SMYD3: variants seen among roughly 807,000 people sequenced by gnomAD.
SMYD3 encodes SET and MYND domain containing 3, also known as histone-lysine N-methyltransferase SMYD3.
In SMYD3, 36 loss-of-function variants were observed where a neutral mutation model predicts 57.7. That is an observed-to-expected ratio of 0.62 (90% CI 0.48 to 0.82). The LOEUF (loss-of-function observed/expected upper bound fraction) is 0.82. Among genes scored for constraint, SMYD3 ranks in the 40% least tolerant of loss-of-function variants. SMYD3 has a pLI of 0.00. For synonymous variants in SMYD3, 211 were observed against 195.0 expected (o/e 1.08, Z -0.68); for missense variants, 515 against 538.8 (o/e 0.96, Z 0.44).
chr1:245,994,446 G>A (rs946230188), intron 5 of SMYD3, among the ~76,000 whole-genome samples: 44 of 152,248 alleles, frequency 2.9e-4, no homozygotes, highest in Admixed American at 2.7e-3. Flanking sequence ...TCCACGTGTC[G>A]GATGGCTAGA....
intron 5 of SMYD3, among the ~76,000 whole-genome samples, chr1:246,010,085 CA>C (rs2148189301): frequency 7.0e-6 from 1 of 143,696 alleles, no homozygotes; most frequent in South Asian, 2.4e-4. Flanking sequence ...AGCAAGACTC[CA>C]TCTCAAAAAA....
At chr1:246,218,042 A>G (rs2063190944) in intron 5 of SMYD3, among the ~76,000 whole-genome samples, 1 of 83,526 alleles carries the variant, frequency 1.2e-5, no homozygotes, top group Non-Finnish European at 2.3e-5. Flanking sequence ...TGGTACATTC[A>G]TAGAAAACAA....
chr1:245,821,278 C>A (rs189413798), intron 10 of SMYD3, among the ~76,000 whole-genome samples: 16 of 149,396 alleles, frequency 1.1e-4, no homozygotes, highest in African/African-American at 3.4e-4. Flanking sequence ...ACAAACCTGA[C>A]AAAAGAAGCA....
intron 5 of SMYD3, among the ~76,000 whole-genome samples, chr1:246,013,828 A>G (rs1026267106): frequency 6.6e-5 from 10 of 152,224 alleles, no homozygotes; most frequent in African/African-American, 2.2e-4. Context: ...CCTGTCACAT[A>G]GCATCAAACA....
intron 8 of SMYD3, among the ~76,000 whole-genome samples, chr1:245,873,670 G>A (rs992027199): frequency 2.0e-5 from 3 of 152,158 alleles, no homozygotes; most frequent in Non-Finnish European, 2.9e-5. Context: ...TTAAGCTGCC[G>A]CAGAACAGAT....
chr1:245,818,083 G>A (rs1264065259), intron 10 of SMYD3, among the ~76,000 whole-genome samples: 2 of 151,794 alleles, frequency 1.3e-5, no homozygotes, highest in Non-Finnish European at 2.9e-5. Context: ...GCAACTCCAA[G>A]ACACATAATT....
intron 1 of SMYD3, among the ~76,000 whole-genome samples, chr1:246,416,782 G>C (rs1301262571): frequency 6.6e-6 from 1 of 151,906 alleles, no homozygotes; most frequent in Non-Finnish European, 1.5e-5. Flanking sequence ...TCAGAACCAA[G>C]GACTCTGTAA....
At chr1:245,814,715 A>G (rs2048690684) in intron 10 of SMYD3, among the ~76,000 whole-genome samples, 2 of 152,122 alleles carry the variant, frequency 1.3e-5, no homozygotes. Flanking sequence ...AAACTTTAAG[A>G]TCTTCTACTA....
rs12028860 is a variant in SMYD3, at chr1:245,817,302, G to T, written c.1076+41194C>A. On this transcript the variant is annotated intron_variant, in intron 10 of 11. Coordinates refer to ENST00000490107, the MANE Select transcript of SMYD3 (RefSeq NM_001167740.2). ...GCAGGGGCACACTGACACCTCACATGGCAGGGTATTCCAACAGCCCTGCAG... is the reference window on the plus strand; with the variant it reads ...GCAGGGGCACACTGACACCTCACATTGCAGGGTATTCCAACAGCCCTGCAG... 4.7e-4 allele frequency among the ~76,000 whole-genome samples: 67 copies of T among 143,296 alleles called. 2 individuals are homozygous for T. In the East Asian group the frequency reaches 5.4e-3, roughly 12 times the overall value. 94.0% of individuals were successfully genotyped at this position (143,296 alleles called of 152,430 possible).
chr1:246,294,511 A>G (rs1474073220), intron 5 of SMYD3, among the ~76,000 whole-genome samples: 1 of 152,180 alleles, frequency 6.6e-6, no homozygotes, highest in Non-Finnish European at 1.5e-5. Flanking sequence ...TAGGCCAAAG[A>G]ATTCGTGGAG....
chr1:245,935,946 A>G (rs1393247165), intron 5 of SMYD3, among the ~76,000 whole-genome samples: 1 of 152,178 alleles, frequency 6.6e-6, no homozygotes, highest in African/African-American at 2.4e-5. Flanking sequence ...CAGGAGGAAT[A>G]AGTTCTTGAG....
At chr1:245,830,347 G>C (rs2049761802) in intron 10 of SMYD3, among the ~76,000 whole-genome samples, 1 of 152,214 alleles carries the variant, frequency 6.6e-6, no homozygotes, top group Non-Finnish European at 1.5e-5. Context: ...CGGCAGGCAA[G>C]GGAGCTTGTT....
intron 10 of SMYD3, among the ~76,000 whole-genome samples, chr1:245,811,340 T>C (rs1024493564): frequency 6.6e-6 from 1 of 152,252 alleles, no homozygotes; most frequent in Non-Finnish European, 1.5e-5. Flanking sequence ...AGTTCAGGTA[T>C]ACAGATGTGT....
intron 1 of SMYD3, among the ~76,000 whole-genome samples, chr1:246,444,179 T>C (rs1467920206): frequency 6.7e-6 from 1 of 148,316 alleles, no homozygotes. Context: ...CAGGCTAGAG[T>C]GCAGGTGCTT....
rs545745193 is a variant in SMYD3 at position 245,958,710 on chromosome 1, T to C, written c.532-28773A>G. Among the ~76,000 whole-genome samples, 6 of 152,332 alleles carry C rather than the reference T, an allele frequency of 3.9e-5. No individual in the cohort carries two copies. In the East Asian group the frequency reaches 1.2e-3, roughly 29 times the overall value. Reference sequence around the variant, plus strand: ...CCTAGAAAGAAGAAGCTACATTTTATCCTACTTTGTATCTCTTTCATATAG... The same window carrying C: ...CCTAGAAAGAAGAAGCTACATTTTACCCTACTTTGTATCTCTTTCATATAG... On this transcript the variant is annotated intron_variant, in intron 5 of 11. Transcript: ENST00000490107.
chr1:246,320,129 T>A (rs535355480), intron 5 of SMYD3, among the ~76,000 whole-genome samples: 1 of 152,168 alleles, frequency 6.6e-6, no homozygotes, highest in African/African-American at 2.4e-5. Context: ...TTTTAACACC[T>A]TCACAGCTTC....
At chr1:246,250,330 C>T (rs1028926757) in intron 5 of SMYD3, among the ~76,000 whole-genome samples, 2 of 152,296 alleles carry the variant, frequency 1.3e-5, no homozygotes, top group East Asian at 3.9e-4. Flanking sequence ...GAATTCAGTA[C>T]ACTATTTTCA....
intron 8 of SMYD3, among the ~76,000 whole-genome samples, chr1:245,886,592 A>C (rs2053096362): frequency 6.6e-6 from 1 of 152,210 alleles, no homozygotes; most frequent in Non-Finnish European, 1.5e-5. Context: ...CCCGGGTATT[A>C]ATCGAACCCA....
At position 246,052,453 on chromosome 1, in the gene SMYD3, T is replaced by G. The variant is rs368532470; in HGVS notation, c.532-122516A>C. ...AAAAAAAAACCAAGGCTAATTAAAA[T>G]GCATTTCAAAGATAATCCTAACATG... On this transcript the variant is annotated intron_variant, in intron 5 of 11. Coordinates refer to ENST00000490107, the MANE Select transcript of SMYD3 (RefSeq NM_001167740.2). 29 of 152,298 alleles carry G rather than the reference T, an allele frequency of 1.9e-4. No individual in the cohort carries two copies. In the South Asian group the frequency reaches 5.8e-3, roughly 30 times the overall value. 9.4% of individuals were successfully genotyped at this position (152,298 alleles called of 1,614,324 possible). A position where few individuals can be genotyped will look rare whatever the true frequency, so the allele number is the denominator to read the frequency against.
Sources: gnomAD v4.1 joint callset for allele counts (sites outside exome capture counted in the v4.1 genomes callset) on GRCh38, gnomAD v4.1.1 for gene constraint, MANE v1.5 for transcripts, NCBI Gene and HGNC (gene_info 2026-07-23, HGNC 2026-07-21) for gene names.